Variants in MFSD2A observed in about 807,000 individuals in gnomAD.
The protein encoded by MFSD2A is MFSD2 lysolipid transporter A, lysophospholipid, also known as sodium-dependent lysophosphatidylcholine symporter 1.
A neutral mutation model predicts 64.7 loss-of-function variants in MFSD2A; 27 were observed. The ratio of observed to expected loss-of-function variants is 0.42; its 90% confidence interval spans 0.31 to 0.58. The LOEUF (loss-of-function observed/expected upper bound fraction) is 0.58. Ranked by LOEUF, MFSD2A falls within the 20% of genes least tolerant of loss-of-function variation. The pLI is 0.18. For synonymous variants in MFSD2A, 258 were observed against 273.4 expected, an observed-to-expected ratio of 0.94 and a Z score of 0.55; for missense variants, 474 against 679.5, an observed-to-expected ratio of 0.70 and a Z score of 3.36.
At position 39,958,648 on chromosome 1, in the gene MFSD2A, G is replaced by A; in HGVS notation, c.229-53G>A. 2.5e-6 allele frequency: 4 copies of A among 1,614,066 alleles called. 1 individual carries two copies. The South Asian group carries it at 3.3e-5, about 13-fold the overall frequency. ...CCTCTGCTTCTGCCTACCAGTGAGA[G>A]TTGAGGCGAGTAGAAGGATGAGGAA... On this transcript the variant is annotated intron_variant, in intron 2 of 13. Transcript: ENST00000372811. This position sits in a 1 kb window ranked among gnomAD's most constrained non-coding sequence, Gnocchi z 4.7.
chr1:39,962,788 T>C lies in MFSD2A; in HGVS notation c.354-2423T>C. 3.7e-6 allele frequency: 4 copies of C among 1,091,888 alleles called. No homozygotes were observed. In the East Asian group the frequency reaches 9.5e-5, roughly 26 times the overall value. 67.6% of individuals were successfully genotyped at this position (1,091,888 alleles called of 1,614,324 possible). A position where few individuals can be genotyped will look rare whatever the true frequency, so the allele number is the denominator to read the frequency against. On this transcript the variant is annotated intron_variant, in intron 3 of 13. Coordinates refer to ENST00000372811, the MANE Select transcript of MFSD2A (RefSeq NM_032793.5). ...ATGAAGATCAAGTCCCTGCAGGAGA[T>C]CTATCTCTTCTCTCTGCCCATTAAG...
At chr1:39,956,389 G>A (rs1462155131) in intron 1 of MFSD2A, among the ~76,000 whole-genome samples, 1 of 152,210 alleles carries the variant, frequency 6.6e-6, no homozygotes, top group Non-Finnish European at 1.5e-5. Context: ...GGAGTAGGCA[G>A]GTGGATCCTG....
chr1:39,966,884 A>T lies in MFSD2A; in HGVS notation c.879A>T (p.Pro293=). Residue 293 remains proline, a synonymous_variant, in exon 8 of 14, where the codon CCA becomes CCT. Coordinates refer to ENST00000372811, the MANE Select transcript of MFSD2A (RefSeq NM_032793.5). ...RGLRLVMSHG[P]YIKLITGFLF... ...TACGGCTGGTCATGAGCCACGGCCC[A>T]TACATCAAACTTATTACTGGCTTCC... is the stretch of plus-strand genomic sequence containing the variant. 1 of 1,613,826 alleles carries T rather than the reference A, an allele frequency of 6.2e-7. No individual in the cohort carries two copies.
At position 39,963,491 on chromosome 1, in the gene MFSD2A, G is replaced by C. The variant is rs1645090229; in HGVS notation, c.354-1720G>C. The C allele has an allele frequency of 8.6e-6, 4 of 466,968 alleles. No individual in the cohort carries two copies. The South Asian group carries it at 1.4e-4, about 17-fold the overall frequency. 28.9% of individuals were successfully genotyped at this position (466,968 alleles called of 1,614,324 possible). A position where few individuals can be genotyped will look rare whatever the true frequency, so the allele number is the denominator to read the frequency against. On this transcript the variant is annotated intron_variant, in intron 3 of 13. Coordinates refer to ENST00000372811, the MANE Select transcript of MFSD2A (RefSeq NM_032793.5). The surrounding 1 kb of genome is among the most constrained non-coding windows in gnomAD (Gnocchi z 4.2). ...AGAGTCTTGCTATGTTGCACAGGCT[G>C]GACTCAAACTCCTGGGGAAAAGCAA...
chr1:39,969,531 C>G lies in MFSD2A; in HGVS notation c.1556C>G (p.Ser519Ter). The G allele has an allele frequency of 6.3e-7, 1 of 1,598,272 alleles. No individual in the cohort carries two copies. Among genetic ancestry groups the G allele is most frequent in the South Asian group, 1.1e-5 (1 of 89,082 alleles). The stretch of plus-strand genomic sequence containing the variant: ...GACGAGGCCAGCAGCTCTGGCTGCT[C>G]AGAAACAGACTCCACAGAGCTGGCT... ...LRDEASSSGCSETDSTELASI... is the reference protein window; with the variant it reads ...LRDEASSSGC The change falls in exon 14 of 14, where the codon TCA (serine) becomes TGA (stop). Residue 519 changes from serine (S) to a stop codon, truncating the protein, a stop_gained. Coordinates refer to ENST00000372811, the MANE Select transcript of MFSD2A (RefSeq NM_032793.5). LOFTEE classifies it high-confidence loss of function.
In MFSD2A at chr1:39,960,968, T is replaced by C. The variant is rs1645027572; in HGVS notation, c.353+2143T>C. Among the ~76,000 whole-genome samples, 1 of 152,134 alleles carries C rather than the reference T, an allele frequency of 6.6e-6. No individual in the cohort carries two copies. The highest frequency in any genetic ancestry group is 2.1e-4 in the South Asian group (1 of 4,830). On this transcript the variant is annotated intron_variant, in intron 3 of 13. Coordinates refer to ENST00000372811, the MANE Select transcript of MFSD2A (RefSeq NM_032793.5). The surrounding 1 kb of genome is among the most constrained non-coding windows in gnomAD (Gnocchi z 4.8). ...GCTGAAGGCTGGTGTGCATATGACC[T>C]CCCTGTCCAAACTTTTTTTCCTTTT...
chr1:39,966,898 T>C lies in MFSD2A; in HGVS notation c.893T>C (p.Ile298Thr), dbSNP rs755423160. ...VMSHGPYIKL[I>T]TGFLFTSLAF... is the part of the protein sequence containing the mutation. ...AGCCACGGCCCATACATCAAACTTA[T>C]TACTGGCTTCCTCTTCACCTCCTTG... is the stretch of plus-strand genomic sequence containing the variant. The change falls in exon 8 of 14, where the codon ATT becomes ACT. Residue 298 changes from isoleucine to threonine, a missense_variant. Transcript: ENST00000372811. 7 of 1,613,706 alleles carry C rather than the reference T, an allele frequency of 4.3e-6. No homozygotes were observed. The highest frequency in any genetic ancestry group is 1.6e-4 in the Middle Eastern group (1 of 6,062).
chr1:39,958,633 T>G lies in MFSD2A; in HGVS notation c.229-68T>G. 6.2e-7 allele frequency: 1 copy of G among 1,614,016 alleles called. No individual in the cohort carries two copies. Among genetic ancestry groups the G allele is most frequent in the South Asian group, 1.1e-5 (1 of 91,070 alleles). On this transcript the variant is annotated intron_variant, in intron 2 of 13. Transcript: ENST00000372811. The surrounding 1 kb of genome is among the most constrained non-coding windows in gnomAD (Gnocchi z 4.7). ...GAGATAGGGAGGGAGCCTCTGCTTC[T>G]GCCTACCAGTGAGAGTTGAGGCGAG...
Position 39,965,493 on chromosome 1 carries a change from C to T in MFSD2A, c.500C>T (p.Ala167Val). 1 of 1,614,114 alleles carries T rather than the reference C, an allele frequency of 6.2e-7. No homozygotes were observed. Among genetic ancestry groups the T allele is most frequent in the Non-Finnish European group, 8.5e-7 (1 of 1,180,004 alleles). ...MVTCFHVPYS[A>V]LTMFISTEQT... The stretch of plus-strand genomic sequence containing the variant: ...CAGTGTTTCCATGTTCCCTACTCGG[C>T]TCTCACCATGTTCATCAGCACCGAG... The change falls in exon 5 of 14, where the codon GCT becomes GTT. Residue 167 changes from alanine to valine, a missense_variant. Ala to Val is a moderately conservative substitution (Grantham distance 64). Transcript: ENST00000372811. This position sits in a 1 kb window ranked among gnomAD's most constrained non-coding sequence, Gnocchi z 5.5.
Position 39,955,209 on chromosome 1 carries a change from C to T in MFSD2A, c.-84C>T. ...GCGGCGGCCGTGGCTAAGGCTGCTA[C>T]GAAGCGAGCTTGGGAGGAGCAGCGG... On this transcript the variant is annotated 5_prime_UTR_variant, in exon 1 of 14. The change creates a new upstream start codon in the 5' untranslated region. Coordinates refer to ENST00000372811, the MANE Select transcript of MFSD2A (RefSeq NM_032793.5). The surrounding 1 kb of genome is among the most constrained non-coding windows in gnomAD (Gnocchi z 5.9). 8.4e-7 allele frequency: 1 copy of T among 1,191,824 alleles called. No homozygotes were observed. Among genetic ancestry groups the T allele is most frequent in the Non-Finnish European group, 1.1e-6 (1 of 927,780 alleles). The allele number at this position is 1,191,824 out of a possible 1,614,324, so 73.8% of individuals were successfully genotyped here. A position where few individuals can be genotyped will look rare whatever the true frequency, so the allele number is the denominator to read the frequency against.
In MFSD2A at chr1:39,968,263, G is replaced by T; in HGVS notation, c.1209-71G>T. On this transcript the variant is annotated intron_variant, in intron 11 of 13. Transcript: ENST00000372811. This position sits in a 1 kb window ranked among gnomAD's most constrained non-coding sequence, Gnocchi z 4.4. Reference sequence around the variant, plus strand: ...CCATGGTACTGCAAGCTTCCAGAGGGCCACCTCTTCTCATTAACACAGAGG... The same window carrying T: ...CCATGGTACTGCAAGCTTCCAGAGGTCCACCTCTTCTCATTAACACAGAGG... 1 of 1,596,800 alleles carries T rather than the reference G, an allele frequency of 6.3e-7. No individual in the cohort carries two copies. Among genetic ancestry groups the T allele is most frequent in the Non-Finnish European group, 8.6e-7 (1 of 1,166,986 alleles).
chr1:39,969,724 C>T lies in MFSD2A; in HGVS notation c.*156C>T, dbSNP rs898637005. ...ACACTTGCTGTGCTCACTGTGGGGCCGGCTGCTCTGTGGCCTCCTGCCTCC... is the reference window on the plus strand; with the variant it reads ...ACACTTGCTGTGCTCACTGTGGGGCTGGCTGCTCTGTGGCCTCCTGCCTCC... On this transcript the variant is annotated 3_prime_UTR_variant, in exon 14 of 14. Coordinates refer to ENST00000372811, the MANE Select transcript of MFSD2A (RefSeq NM_032793.5). 1.1e-5 allele frequency: 8 copies of T among 715,020 alleles called. No individual in the cohort carries two copies. Among genetic ancestry groups the T allele is most frequent in the South Asian group, 7.6e-5 (4 of 52,298 alleles). The allele number at this position is 715,020 out of a possible 1,614,324, so 44.3% of individuals were successfully genotyped here.
Position 39,965,018 on chromosome 1 carries a change from C to T in MFSD2A, c.354-193C>T. The stretch of plus-strand genomic sequence containing the variant: ...GATTTCAGTCTGGGGTCCCAGTTCC[C>T]ATCTGCCATTCCGGGCTTGGTCATC... On this transcript the variant is annotated intron_variant, in intron 3 of 13. Coordinates refer to ENST00000372811, the MANE Select transcript of MFSD2A (RefSeq NM_032793.5). This position sits in a 1 kb window ranked among gnomAD's most constrained non-coding sequence, Gnocchi z 5.5. 1 of 678,652 alleles carries T rather than the reference C, an allele frequency of 1.5e-6. No homozygotes were observed. Among genetic ancestry groups the T allele is most frequent in the Non-Finnish European group, 2.4e-6 (1 of 409,400 alleles). The allele number at this position is 678,652 out of a possible 1,614,324, so 42.0% of individuals were successfully genotyped here. A position where few individuals can be genotyped will look rare whatever the true frequency, so the allele number is the denominator to read the frequency against.
At chr1:39,969,452 AG>A in intron 13 of MFSD2A, 52 bp from the exon 14 acceptor site, 1 of 1,512,952 alleles carries the variant, frequency 6.6e-7, no homozygotes, top group Non-Finnish European at 9.0e-7. Flanking sequence ...GGTGGGGCTG[AG>A]GAGGGGTAAG....
At position 39,965,759 on chromosome 1, in the gene MFSD2A, C is replaced by T. The variant is rs369072533; in HGVS notation, c.557-98C>T. The T allele has an allele frequency of 4.2e-5, 63 of 1,503,502 alleles. No homozygotes were observed. The highest frequency in any genetic ancestry group is 2.7e-4 in the East Asian group (12 of 43,962). The allele number at this position is 1,503,502 out of a possible 1,614,324, so 93.1% of individuals were successfully genotyped here. ...ACCTACCCCACTACCTCTACCCACCCTGCCTGGAGCTACCGCTGGGCTCCC... is the reference window on the plus strand; with the variant it reads ...ACCTACCCCACTACCTCTACCCACCTTGCCTGGAGCTACCGCTGGGCTCCC... On this transcript the variant is annotated intron_variant, in intron 5 of 13. Coordinates refer to ENST00000372811, the MANE Select transcript of MFSD2A (RefSeq NM_032793.5). The surrounding 1 kb of genome is among the most constrained non-coding windows in gnomAD (Gnocchi z 5.5).
chr1:39,958,536 T>C lies in MFSD2A; in HGVS notation c.229-165T>C, dbSNP rs2124758402. The C allele has an allele frequency of 9.6e-7, 1 of 1,039,896 alleles. No homozygotes were observed. Among genetic ancestry groups the C allele is most frequent in the Non-Finnish European group, 1.5e-6 (1 of 687,658 alleles). 64.4% of individuals were successfully genotyped at this position (1,039,896 alleles called of 1,614,324 possible). ...TACTGTTATTGGAGAAATGCTATTG[T>C]CATTATTAACAAGGCAAGTGAAGAT... On this transcript the variant is annotated intron_variant, in intron 2 of 13. Coordinates refer to ENST00000372811, the MANE Select transcript of MFSD2A (RefSeq NM_032793.5). The surrounding 1 kb of genome is among the most constrained non-coding windows in gnomAD (Gnocchi z 4.7).
chr1:39,968,604 C>T lies in MFSD2A; in HGVS notation c.1388C>T (p.Pro463Leu), dbSNP rs779357389. Residue 463 changes from proline (P) to leucine (L), a missense_variant, in exon 13 of 14, where the codon CCG becomes CTG. By Grantham distance (98) the Pro-to-Leu change is moderately conservative. Coordinates refer to ENST00000372811, the MANE Select transcript of MFSD2A (RefSeq NM_032793.5). The surrounding 1 kb of genome is among the most constrained non-coding windows in gnomAD (Gnocchi z 4.4). ...AGYQTRGCSQ[P>L]ERVKFTLNML... ...TACCAGACCCGTGGCTGCTCGCAGCCGGAACGTGTCAAGTTTACACTGAAC... is the reference window on the plus strand; with the variant it reads ...TACCAGACCCGTGGCTGCTCGCAGCTGGAACGTGTCAAGTTTACACTGAAC... 6.0e-5 allele frequency: 97 copies of T among 1,614,020 alleles called. No individual in the cohort carries two copies. The highest frequency in any genetic ancestry group is 7.6e-5 in the Non-Finnish European group (90 of 1,180,034).
chr1:39,965,873 G>C lies in MFSD2A; in HGVS notation c.573G>C (p.Val191=). 1 of 1,613,950 alleles carries C rather than the reference G, an allele frequency of 6.2e-7. No individual in the cohort carries two copies. Among genetic ancestry groups the C allele is most frequent in the Non-Finnish European group, 8.5e-7 (1 of 1,180,022 alleles). The change falls in exon 6 of 14, where the codon GTG becomes GTC. Residue 191 remains valine, a synonymous_variant. Coordinates refer to ENST00000372811, the MANE Select transcript of MFSD2A (RefSeq NM_032793.5). This position sits in a 1 kb window ranked among gnomAD's most constrained non-coding sequence, Gnocchi z 5.5. ...TCCTGCCAGGGATGACTGTGGAAGT[G>C]CTGGGCACAGTGCTGGGCACGGCGA... ...SATAYRMTVE[V]LGTVLGTAIQ...
chr1:39,965,676 T>C lies in MFSD2A; in HGVS notation c.556+127T>C. On this transcript the variant is annotated intron_variant, in intron 5 of 13. Coordinates refer to ENST00000372811, the MANE Select transcript of MFSD2A (RefSeq NM_032793.5). The surrounding 1 kb of genome is among the most constrained non-coding windows in gnomAD (Gnocchi z 5.5). ...TGAAACCATCTTAAAAATAACTCAA[T>C]CCCCTTATTGCTCAGATGAGACCTG... is the stretch of plus-strand genomic sequence containing the variant. 1 of 1,239,346 alleles carries C rather than the reference T, an allele frequency of 8.1e-7. No homozygotes were observed. The highest frequency in any genetic ancestry group is 1.3e-5 in the South Asian group (1 of 75,926). The allele number at this position is 1,239,346 out of a possible 1,614,324, so 76.8% of individuals were successfully genotyped here. A position where few individuals can be genotyped will look rare whatever the true frequency, so the allele number is the denominator to read the frequency against.
Sources: allele counts gnomAD v4.1 joint callset (sites outside exome capture counted in the v4.1 genomes callset), GRCh38; gene constraint gnomAD v4.1.1; non-coding constraint Gnocchi (gnomAD v3.1); transcripts MANE v1.5; gene names NCBI Gene and HGNC (gene_info 2026-07-23, HGNC 2026-07-21).